The following CDCA5 variants were observed in gnomAD, a reference collection of about 807,000 sequenced individuals.
CDCA5 encodes the protein cell division cycle associated 5.
CDCA5 carries 14 observed loss-of-function variants against 25.7 expected under a neutral mutation model. The observed-to-expected ratio is 0.54, with a 90% CI of 0.36 to 0.85. CDCA5 has a LOEUF of 0.85. Among genes scored for constraint, CDCA5 ranks in the 40% least tolerant of loss-of-function variants. The probability of loss-of-function intolerance (pLI) is 0.01; values close to 1 mark genes in which losing one functional copy is unlikely to be tolerated. For missense variants in CDCA5, 307 were observed against 324.5 expected, an observed-to-expected ratio of 0.95 and a Z score of 0.41; for synonymous variants, 127 against 128.7, an observed-to-expected ratio of 0.99 and a Z score of 0.09.
downstream of CDCA5, among the ~76,000 whole-genome samples, chr11:65,075,526 A>G (rs1947427714): frequency 7.9e-6 from 1 of 126,456 alleles, no homozygotes; most frequent in Non-Finnish European, 1.6e-5. Context: ...ACAGGAGGCT[A>G]GTGCAATTGT....
downstream of CDCA5, among the ~76,000 whole-genome samples, chr11:65,066,098 GAC>G (rs1159926548): frequency 6.6e-6 from 1 of 152,038 alleles, no homozygotes; most frequent in Non-Finnish European, 1.5e-5. Flanking sequence ...TCTCCAGGCT[GAC>G]AACAACCAGG....
At chr11:65,079,282 A>G (rs932518282) in intron 5 of CDCA5, 71 bp downstream of exon 5, 30 of 1,610,682 alleles carry the variant, frequency 1.9e-5, no homozygotes, top group Non-Finnish European at 2.5e-5. Flanking sequence ...TATCCCCCAA[A>G]AGAGCCAGAG....
chr11:65,067,607 G>GCCT (rs1362149440), intron 4 of CDCA5: 16 of 1,198,868 alleles, frequency 1.3e-5, no homozygotes, highest in African/African-American at 4.7e-5. Context: ...GCCTTGGTCG[G>GCCT]GGGAAGCCCT....
chr11:65,077,783 C>A lies in CDCA5; in HGVS notation c.*1324G>T. 1.0e-6 allele frequency: 1 copy of A among 985,576 alleles called. No homozygotes were observed. The highest frequency in any genetic ancestry group is 1.2e-6 in the Non-Finnish European group (1 of 830,010). 61.1% of individuals were successfully genotyped at this position (985,576 alleles called of 1,614,324 possible). On this transcript the variant is annotated 3_prime_UTR_variant, in exon 6 of 6. Coordinates refer to ENST00000275517, the MANE Select transcript of CDCA5 (RefSeq NM_080668.4). ...CCTGGCAGAGGGTTTTATTAGGGCC[C>A]GCCTGGCCTGCACCGTTTCATCCAA...
chr11:65,075,181 G>A (rs1947419889), downstream of CDCA5, among the ~76,000 whole-genome samples: 1 of 151,852 alleles, frequency 6.6e-6, no homozygotes, highest in African/African-American at 2.4e-5. Context: ...CGGACCACCT[G>A]AGGTCAGAAA....
At chr11:65,062,714 T>C (rs1382966028), downstream of CDCA5, among the ~76,000 whole-genome samples, 1 of 152,156 alleles carries the variant, frequency 6.6e-6, no homozygotes. Flanking sequence ...GGAAGATCGC[T>C]TGAGTCCAGA....
downstream of CDCA5, among the ~76,000 whole-genome samples, chr11:65,073,287 G>A (rs1947376390): frequency 6.6e-6 from 1 of 152,030 alleles, no homozygotes; most frequent in South Asian, 2.1e-4. Context: ...TATTATTATT[G>A]TCCTCATTTT....
intron 2 of CDCA5, chr11:65,068,170 A>AGGCTCTTGGG: frequency 8.5e-7 from 1 of 1,176,226 alleles, no homozygotes; most frequent in Non-Finnish European, 1.1e-6. Flanking sequence ...CTGCTCACCC[A>AGGCTCTTGGG]AGAGCCTGGG....
chr11:65,067,845 G>A (rs949748807), intron 3 of CDCA5: 11 of 885,724 alleles, frequency 1.2e-5, no homozygotes, highest in African/African-American at 6.9e-5. Context: ...CAAAGGCCCC[G>A]GCTTCAGCAG....
chr11:65,079,750 C>A lies in CDCA5; in HGVS notation c.281G>T (p.Gly94Val), dbSNP rs1159308751. 4 of 1,490,180 alleles carry A rather than the reference C, an allele frequency of 2.7e-6. No homozygotes were observed. The African/African-American group carries it at 4.2e-5, about 16-fold the overall frequency. 92.3% of individuals were successfully genotyped at this position (1,490,180 alleles called of 1,614,324 possible). ...AAGGTCCTCCTTAGTAAGCTCCCTG[C>A]CAGGGGGCTCGTTTTCTTTCTCCAA... ...FFLEKENEPP[G>V]RELTKEDLFK... is the part of the protein sequence containing the mutation. The change falls in exon 5 of 6, where the codon GGC (glycine) becomes GTC (valine). Residue 94 changes from glycine (G) to valine (V), a missense_variant. Gly to Val is a moderately radical substitution (Grantham distance 109, BLOSUM62 -3). Coordinates refer to ENST00000275517, the MANE Select transcript of CDCA5 (RefSeq NM_080668.4).
rs919031199 is a variant in CDCA5, at chr11:65,078,223, A to G, written c.*884T>C. 1 of 985,334 alleles carries G rather than the reference A, an allele frequency of 1.0e-6. No individual in the cohort carries two copies. The highest frequency in any genetic ancestry group is 1.2e-6 in the Non-Finnish European group (1 of 829,968). 61.0% of individuals were successfully genotyped at this position (985,334 alleles called of 1,614,324 possible). A position where few individuals can be genotyped will look rare whatever the true frequency, so the allele number is the denominator to read the frequency against. On this transcript the variant is annotated 3_prime_UTR_variant, in exon 6 of 6. Coordinates refer to ENST00000275517, the MANE Select transcript of CDCA5 (RefSeq NM_080668.4). ...TAGACTCGGTGTAACTTATTTTGTA[A>G]GAAATGGGTATGGGTGACAAGAGGG...
chr11:65,079,892 T>A lies in CDCA5; in HGVS notation c.244-105A>T, dbSNP rs1168558065. 6 of 35,826 alleles carry A rather than the reference T, an allele frequency of 1.7e-4. No homozygotes were observed. The Admixed American group carries it at 2.3e-3, about 14-fold the overall frequency. 2.2% of individuals were successfully genotyped at this position (35,826 alleles called of 1,614,324 possible). A position where few individuals can be genotyped will look rare whatever the true frequency, so the allele number is the denominator to read the frequency against. On this transcript the variant is annotated intron_variant, in intron 4 of 5. Transcript: ENST00000275517. ...GTGGAAAGACCCACAGGACACACAC[T>A]TTTTTTTTTTTTTTTTGAGACGGAG...
rs1016912489 is a variant in CDCA5 at position 65,077,459 on chromosome 11, G to C, written c.*1648C>G. On this transcript the variant is annotated 3_prime_UTR_variant, in exon 6 of 6. Transcript: ENST00000275517. ...ATAAAAGAAACACAGTCCATGAACAGGCAGAAACTCTTTAATCAGGCTTTT... is the reference window on the plus strand; with the variant it reads ...ATAAAAGAAACACAGTCCATGAACACGCAGAAACTCTTTAATCAGGCTTTT... 1.0e-6 allele frequency: 1 copy of C among 985,232 alleles called. No homozygotes were observed. The allele number at this position is 985,232 out of a possible 1,614,324, so 61.0% of individuals were successfully genotyped here.
rs1440635046 is a variant in CDCA5 at position 65,079,634 on chromosome 11, C to T, written c.397G>A (p.Ala133Thr). The T allele has an allele frequency of 1.9e-6, 3 of 1,608,128 alleles. No homozygotes were observed. Among genetic ancestry groups the T allele is most frequent in the Non-Finnish European group, 2.6e-6 (3 of 1,176,106 alleles). ...ESSSKEGELD[A>T]RDLEMSKKVR... The stretch of plus-strand genomic sequence containing the variant: ...TTCTTAGACATTTCCAAGTCTCTGG[C>T]GTCCAGCTCTCCTTCCTTGGAGCTG... Residue 133 changes from alanine to threonine, a missense_variant, in exon 5 of 6, where the codon GCC (alanine) becomes ACC (threonine). By Grantham distance (58) the Ala-to-Thr change is moderately conservative. Coordinates refer to ENST00000275517, the MANE Select transcript of CDCA5 (RefSeq NM_080668.4).
intron 1 of CDCA5, among the ~76,000 whole-genome samples, chr11:65,072,392 G>A (rs1947358113): frequency 6.6e-6 from 1 of 152,220 alleles, no homozygotes; most frequent in Admixed American, 6.5e-5. Flanking sequence ...CGAGGAGGGA[G>A]GGGTCCATAG....
chr11:65,073,512 G>A (rs1431503674), downstream of CDCA5, among the ~76,000 whole-genome samples: 1 of 152,168 alleles, frequency 6.6e-6, no homozygotes, highest in Non-Finnish European at 1.5e-5. Flanking sequence ...GGTGACGCAG[G>A]AGTGGGGAAA....
At chr11:65,064,605 G>C (rs1947215621), downstream of CDCA5, among the ~76,000 whole-genome samples, 2 of 152,252 alleles carry the variant, frequency 1.3e-5, no homozygotes, top group South Asian at 2.1e-4. Context: ...TTGCAAGACA[G>C]CTGTTTGTAC....
chr11:65,066,459 C>T (rs1021370752), exon 7 of CDCA5: 23 of 1,284,298 alleles, frequency 1.8e-5, no homozygotes, highest in Middle Eastern at 2.1e-4. Context: ...ACCTGCCTTC[C>T]GGGGGTTTGG....
intron 2 of CDCA5, chr11:65,068,142 G>C (rs1590785577): frequency 4.0e-6 from 5 of 1,265,488 alleles, no homozygotes; most frequent in Non-Finnish European, 5.2e-6. Flanking sequence ...GCGCCAAGGT[G>C]ACTGGAGAGG....
Sources: gnomAD v4.1 joint callset for allele counts (sites outside exome capture counted in the v4.1 genomes callset) on GRCh38, gnomAD v4.1.1 for gene constraint, MANE v1.5 for transcripts, NCBI Gene and HGNC (gene_info 2026-07-23, HGNC 2026-07-21) for gene names.